Variants in FAM13A observed in about 807,000 individuals in gnomAD.
The protein encoded by FAM13A is protein FAM13A.
FAM13A carries 76 observed loss-of-function variants against 129.6 expected under a neutral mutation model. That is an observed-to-expected ratio of 0.59 (90% CI 0.49 to 0.71). The LOEUF (loss-of-function observed/expected upper bound fraction) is 0.71, where lower values mean the gene tolerates loss of function less well. Among genes scored for constraint, FAM13A ranks in the 30% least tolerant of loss-of-function variants. The probability of loss-of-function intolerance (pLI) is 0.00; values close to 1 mark genes in which losing one functional copy is unlikely to be tolerated. For missense variants in FAM13A, 1,108 were observed against 1,249.3 expected (o/e 0.89, Z 1.70); for synonymous variants, 443 against 449.9 (o/e 0.98, Z 0.20).
At chr4:88,960,557 G>A (rs1015480333) in intron 4 of FAM13A, among the ~76,000 whole-genome samples, 6 of 152,080 alleles carry the variant, frequency 3.9e-5, no homozygotes, top group Admixed American at 3.9e-4. Context: ...GAATTTTTCC[G>A]CCACAACAAC....
At chr4:89,042,035 C>G (rs879716204) in intron 1 of FAM13A, among the ~76,000 whole-genome samples, 1 of 151,676 alleles carries the variant, frequency 6.6e-6, no homozygotes, top group Non-Finnish European at 1.5e-5. Flanking sequence ...ACAAAGTGCT[C>G]GGTTAAAACG....
At chr4:88,971,174 C>T (rs1760035279) in intron 4 of FAM13A, among the ~76,000 whole-genome samples, 3 of 152,166 alleles carry the variant, frequency 2.0e-5, no homozygotes, top group South Asian at 2.1e-4. Flanking sequence ...GCCGAGATCG[C>T]GCCACTGCAC....
At chr4:88,914,591 C>CTTT (rs537237081) in intron 5 of FAM13A, among the ~76,000 whole-genome samples, 380 of 152,316 alleles carry the variant, frequency 2.5e-3, no homozygotes, top group Non-Finnish European at 3.2e-3. Flanking sequence ...TCCCATGTCA[C>CTTT]TTCCTCAGAG....
intron 6 of FAM13A, among the ~76,000 whole-genome samples, chr4:88,892,481 G>A (rs768578566): frequency 6.6e-6 from 1 of 151,962 alleles, no homozygotes; most frequent in African/African-American, 2.4e-5. Context: ...ACCTGGCCCT[G>A]TCTTCTAAAA....
intron 13 of FAM13A, chr4:88,759,150 C>G (rs530107667): frequency 4.7e-6 from 2 of 425,544 alleles, no homozygotes; most frequent in Admixed American, 7.1e-5. Flanking sequence ...AGGCAGCTGA[C>G]AGTCTTGGTG....
intron 7 of FAM13A, among the ~76,000 whole-genome samples, chr4:88,817,335 G>T: frequency 6.6e-6 from 1 of 152,144 alleles, no homozygotes; most frequent in East Asian, 1.9e-4. Context: ...GGCTGAGGCG[G>T]GTAGATCACT....
chr4:88,739,060 G>A lies in FAM13A; in HGVS notation c.2532C>T (p.Ile844=). 1 of 1,613,582 alleles carries A rather than the reference G, an allele frequency of 6.2e-7. No individual in the cohort carries two copies. Among genetic ancestry groups the A allele is most frequent in the Non-Finnish European group, 8.5e-7 (1 of 1,179,606 alleles). ...TGGGTATGGTGTTAGCTCGGGAGAGGATCTGTTTGACCAGCCGGTACCTGT... is the reference window on the plus strand; with the variant it reads ...TGGGTATGGTGTTAGCTCGGGAGAGAATCTGTTTGACCAGCCGGTACCTGT... ...LYDRYRLVKQ[I]LSRANTIPII... Residue 844 remains isoleucine (I), a synonymous_variant, in exon 20 of 24, where the codon ATC becomes ATT. Transcript: ENST00000264344.
intron 13 of FAM13A, among the ~76,000 whole-genome samples, chr4:88,765,308 A>G (rs1745531743): frequency 1.3e-5 from 2 of 152,248 alleles, no homozygotes; most frequent in East Asian, 1.9e-4. Flanking sequence ...ATCAATAAGG[A>G]TGAAGTCTGT....
intron 6 of FAM13A, chr4:88,855,352 T>G (rs547368655): frequency 1.1e-4 from 16 of 152,188 alleles, no homozygotes; most frequent in Non-Finnish European, 2.4e-4. Context: ...AGATGGAAGA[T>G]ATGTTCATCA....
intron 14 of FAM13A, among the ~76,000 whole-genome samples, chr4:88,755,553 T>C (rs1440024799): frequency 1.3e-5 from 2 of 152,194 alleles, no homozygotes; most frequent in Non-Finnish European, 2.9e-5. Context: ...TTTGATCTGT[T>C]GCCCACAAGG....
intron 6 of FAM13A, among the ~76,000 whole-genome samples, chr4:88,885,938 G>A (rs778395825): frequency 4.0e-5 from 6 of 151,752 alleles, no homozygotes; most frequent in Non-Finnish European, 8.8e-5. Context: ...AATGACCAGG[G>A]AAATGCAAAT....
chr4:88,736,060 A>C (rs1738921077), intron 21 of FAM13A, among the ~76,000 whole-genome samples: 1 of 152,116 alleles, frequency 6.6e-6, no homozygotes, highest in Non-Finnish European at 1.5e-5. Flanking sequence ...CAATTACCCA[A>C]ATTTCTCCAA....
chr4:88,927,003 A>G (rs1434716899), intron 5 of FAM13A, among the ~76,000 whole-genome samples: 1 of 152,052 alleles, frequency 6.6e-6, no homozygotes, highest in Non-Finnish European at 1.5e-5. Flanking sequence ...ACACACACAC[A>G]TTTTCTTTAT....
At chr4:88,975,449 A>T (rs1760763978) in intron 4 of FAM13A, among the ~76,000 whole-genome samples, 1 of 152,180 alleles carries the variant, frequency 6.6e-6, no homozygotes, top group African/African-American at 2.4e-5. Flanking sequence ...GTGTGTATAT[A>T]CCTAAATTTT....
chr4:88,966,952 T>C (rs908451814), intron 4 of FAM13A, among the ~76,000 whole-genome samples: 1 of 152,186 alleles, frequency 6.6e-6, no homozygotes, highest in Non-Finnish European at 1.5e-5. Context: ...TTTGCAATTA[T>C]AGTATAGATG....
chr4:89,030,483 G>A (rs900359144), intron 1 of FAM13A, among the ~76,000 whole-genome samples: 9 of 152,072 alleles, frequency 5.9e-5, no homozygotes, highest in Non-Finnish European at 1.2e-4. Context: ...GGCAAAATGC[G>A]AACGGTCTTA....
chr4:88,879,495 AAAG>A (rs1488011236), intron 6 of FAM13A, among the ~76,000 whole-genome samples: 8 of 152,198 alleles, frequency 5.3e-5, no homozygotes, highest in Admixed American at 1.3e-4. Context: ...ATTAAAAAAA[AAAG>A]AAGAAGGAAA....
At chr4:88,928,955 C>G (rs1033882704) in intron 5 of FAM13A, among the ~76,000 whole-genome samples, 1 of 152,020 alleles carries the variant, frequency 6.6e-6, no homozygotes, top group Admixed American at 6.6e-5. Context: ...TCTCTTCCTC[C>G]TTTCTGTGAT....
intron 6 of FAM13A, among the ~76,000 whole-genome samples, chr4:88,869,911 G>T (rs958686822): frequency 6.6e-6 from 1 of 152,104 alleles, no homozygotes; most frequent in African/African-American, 2.4e-5. Context: ...ATCAATATGT[G>T]CCCAGATGAA....
Sources: gnomAD v4.1 joint callset for allele counts (sites outside exome capture counted in the v4.1 genomes callset) on GRCh38, gnomAD v4.1.1 for gene constraint, MANE v1.5 for transcripts, NCBI Gene and HGNC (gene_info 2026-07-23, HGNC 2026-07-21) for gene names.